Variants in CASR observed in about 807,000 individuals in gnomAD.
CASR encodes extracellular calcium-sensing receptor.
CASR carries 23 observed loss-of-function variants against 69.1 expected under a neutral mutation model. The observed-to-expected ratio is 0.33, with a 90% CI of 0.24 to 0.47. The LOEUF (loss-of-function observed/expected upper bound fraction) is 0.47, where lower values mean the gene tolerates loss of function less well. CASR is among the 20% of genes least tolerant of loss of function. The pLI is 1.00. For synonymous variants in CASR, 541 were observed against 544.7 expected (o/e 0.99, Z 0.10); for missense variants, 924 against 1,356.1 (o/e 0.68, Z 5.00).
intron 1 of CASR, among the ~76,000 whole-genome samples, chr3:122,210,722 T>G (rs184175136): frequency 8.0e-4 from 122 of 152,236 alleles, no homozygotes; most frequent in Non-Finnish European, 1.5e-3. Flanking sequence ...CTTCACAGAA[T>G]TAGAAAAAAC....
chr3:122,200,166 C>G (rs1480558188), intron 1 of CASR, among the ~76,000 whole-genome samples: 2 of 152,174 alleles, frequency 1.3e-5, no homozygotes, highest in Non-Finnish European at 2.9e-5. Context: ...CTTGACCTCT[C>G]AAAGTGCTGG....
chr3:122,271,303 A>T (rs1054314350), intron 4 of CASR, among the ~76,000 whole-genome samples: 1 of 152,242 alleles, frequency 6.6e-6, no homozygotes, highest in Non-Finnish European at 1.5e-5. Flanking sequence ...CCTGCTTTAG[A>T]GAAGTTTGGT....
intron 5 of CASR, among the ~76,000 whole-genome samples, chr3:122,280,310 C>T (rs1036603983): frequency 1.3e-5 from 2 of 152,284 alleles, no homozygotes; most frequent in Admixed American, 6.5e-5. Context: ...CAAGGATGCC[C>T]GCTCTCACCA....
chr3:122,189,881 C>A (rs1460042017), intron 1 of CASR, among the ~76,000 whole-genome samples: 1 of 152,128 alleles, frequency 6.6e-6, no homozygotes, highest in Non-Finnish European at 1.5e-5. Context: ...ATTATCATAT[C>A]TTTCATATAG....
intron 1 of CASR, among the ~76,000 whole-genome samples, chr3:122,215,307 T>C (rs2074106700): frequency 6.6e-6 from 1 of 152,212 alleles, no homozygotes; most frequent in Non-Finnish European, 1.5e-5. Flanking sequence ...AGCTTTCTGC[T>C]TATCCCATGA....
chr3:122,259,670 C>G lies in CASR; in HGVS notation c.493-1858C>G, dbSNP rs557026243. Among the ~76,000 whole-genome samples the G allele has an allele frequency of 7.3e-5, 10 of 137,094 alleles. No homozygotes were observed. In the East Asian group the frequency reaches 2.3e-3, roughly 32 times the overall value. The allele number at this position is 137,094 out of a possible 152,430, so 89.9% of individuals were successfully genotyped here. ...TTTGAGATGGAGTCTGGCTCTGTCA[C>G]CCAGGCTGGAGTGCAGTGGCAGGAT... On this transcript the variant is annotated intron_variant, in intron 3 of 6. Coordinates refer to ENST00000639785, the MANE Select transcript of CASR (RefSeq NM_000388.4).
At chr3:122,223,431 A>G (rs955017133) in intron 1 of CASR, among the ~76,000 whole-genome samples, 1 of 152,204 alleles carries the variant, frequency 6.6e-6, no homozygotes, top group Non-Finnish European at 1.5e-5. Context: ...CTCTATGCAC[A>G]CAAACTAGAA....
chr3:122,205,125 T>C (rs920815944), intron 1 of CASR, among the ~76,000 whole-genome samples: 1 of 152,114 alleles, frequency 6.6e-6, no homozygotes, highest in African/African-American at 2.4e-5. Context: ...TTTGTGCTTA[T>C]GAAGTCTTAC....
chr3:122,277,953 T>C (rs1482800370), intron 5 of CASR, among the ~76,000 whole-genome samples: 1 of 152,192 alleles, frequency 6.6e-6, no homozygotes, highest in Non-Finnish European at 1.5e-5. Context: ...TTAAATCTAA[T>C]TTTTTTCCAT....
In CASR at chr3:122,250,015, A is replaced by G. The variant is rs187913151; in HGVS notation, c.-242-3933A>G. Among the ~76,000 whole-genome samples the G allele has an allele frequency of 3.8e-3, 574 of 152,314 alleles. 2 individuals are homozygous for G. Among genetic ancestry groups the G allele is most frequent in the South Asian group, 0.013 (62 of 4,812 alleles). ...CTAGCTGTCATATCCACCTCCGTGC[A>G]GCAGAATAGAGGAAGCGGGGAGAAG... On this transcript the variant is annotated intron_variant, in intron 1 of 6. Coordinates refer to ENST00000639785, the MANE Select transcript of CASR (RefSeq NM_000388.4).
intron 1 of CASR, among the ~76,000 whole-genome samples, chr3:122,241,404 A>C (rs530399508): frequency 2.0e-5 from 3 of 152,140 alleles, no homozygotes; most frequent in Non-Finnish European, 4.4e-5. Context: ...GTGAGCAAAT[A>C]TATGCCAATA....
intron 5 of CASR, 164 bp from the exon 6 acceptor site, chr3:122,281,949 G>C: frequency 1.2e-6 from 1 of 857,322 alleles, no homozygotes; most frequent in South Asian, 1.5e-5. Flanking sequence ...ACAGATATCA[G>C]AACCAAGGAC....
chr3:122,196,523 GT>G (rs2073892958), intron 1 of CASR, among the ~76,000 whole-genome samples: 1 of 150,326 alleles, frequency 6.7e-6, no homozygotes, highest in African/African-American at 2.5e-5. Context: ...GGGGTTTTTT[GT>G]TTGTTTGTTT....
intron 1 of CASR, among the ~76,000 whole-genome samples, chr3:122,252,239 T>C (rs1219735580): frequency 6.7e-6 from 1 of 150,002 alleles, no homozygotes; most frequent in African/African-American, 2.5e-5. Flanking sequence ...GTTGAGGTTG[T>C]AGTGAGCTGT....
At chr3:122,184,195 A>G (rs1485158803) in intron 1 of CASR, 1 of 152,386 alleles carries the variant, frequency 6.6e-6, no homozygotes, top group Non-Finnish European at 1.5e-5. Context: ...AGGGGTTAGA[A>G]GGCAGCCCGC....
intron 1 of CASR, among the ~76,000 whole-genome samples, chr3:122,202,623 C>T (rs1448217769): frequency 6.6e-6 from 1 of 152,070 alleles, no homozygotes; most frequent in Non-Finnish European, 1.5e-5. Context: ...CAATTTGTGG[C>T]TTATTTCACT....
chr3:122,192,105 C>T (rs2073845517), intron 1 of CASR, among the ~76,000 whole-genome samples: 1 of 152,168 alleles, frequency 6.6e-6, no homozygotes, highest in Admixed American at 6.5e-5. Context: ...GAAACTGAAA[C>T]ACAAGAAAAA....
rs2074989613 is a variant in CASR at position 122,288,773 on chromosome 3, G to A, written c.*3582G>A. 1 of 152,018 alleles carries A rather than the reference G, an allele frequency of 6.6e-6. No individual in the cohort carries two copies. Among genetic ancestry groups the A allele is most frequent in the South Asian group, 2.1e-4 (1 of 4,812 alleles). The allele number at this position is 152,018 out of a possible 1,614,324, so 9.4% of individuals were successfully genotyped here. A position where few individuals can be genotyped will look rare whatever the true frequency, so the allele number is the denominator to read the frequency against. Reference sequence around the variant, plus strand: ...AAAGGAAGTCAGGAGGTAAATATATGATCACCTTTTAATTACTTTTTAAAA... The same window carrying A: ...AAAGGAAGTCAGGAGGTAAATATATAATCACCTTTTAATTACTTTTTAAAA... On this transcript the variant is annotated 3_prime_UTR_variant, in exon 7 of 7. Transcript: ENST00000639785.
intron 1 of CASR, among the ~76,000 whole-genome samples, chr3:122,186,043 GT>G (rs1184068345): frequency 6.6e-6 from 1 of 150,478 alleles, no homozygotes; most frequent in African/African-American, 2.4e-5. Flanking sequence ...AACATAGTAA[GT>G]GAAAAAAAAA....
Sources: gnomAD v4.1 joint callset for allele counts (sites outside exome capture counted in the v4.1 genomes callset) on GRCh38, gnomAD v4.1.1 for gene constraint, MANE v1.5 for transcripts, NCBI Gene and HGNC (gene_info 2026-07-23, HGNC 2026-07-21) for gene names.